Variants in URGCP observed in about 807,000 individuals in gnomAD.
URGCP encodes up-regulator of cell proliferation.
A neutral mutation model predicts 24.6 loss-of-function variants in URGCP; 13 were observed. The observed-to-expected ratio is 0.53, with a 90% CI of 0.34 to 0.84. URGCP has a LOEUF of 0.84. Ranked by LOEUF, URGCP falls within the 40% of genes least tolerant of loss-of-function variation. The pLI is 0.01. For missense variants in URGCP, 899 were observed against 1,194.3 expected (o/e 0.75, Z 3.64); for synonymous variants, 444 against 487.2 (o/e 0.91, Z 1.17).
chr7:43,916,975 C>A (rs10276953), intron 1 of URGCP, among the ~76,000 whole-genome samples: 11,464 of 152,158 alleles, frequency 0.075, 575 homozygotes, highest in African/African-American at 0.14. Flanking sequence ...TTATTCCTTT[C>A]TCCTCCTCTG....
chr7:43,879,721 A>G lies in URGCP; in HGVS notation c.203-461T>C, dbSNP rs576659336. The G allele has an allele frequency of 1.2e-4, 19 of 156,476 alleles. No homozygotes were observed. In the South Asian group the frequency reaches 2.6e-3, roughly 21 times the overall value. 9.7% of individuals were successfully genotyped at this position (156,476 alleles called of 1,614,324 possible). On this transcript the variant is annotated intron_variant, in intron 5 of 5. Transcript: ENST00000453200. ...CTCAGAGTCACCGGGAAGTTCCCAC[A>G]GGAGTCATAATCACTGAATCACTCT... is the stretch of plus-strand genomic sequence containing the variant.
At chr7:43,907,653 G>A (rs1358408022), upstream of URGCP, among the ~76,000 whole-genome samples, 1 of 152,130 alleles carries the variant, frequency 6.6e-6, no homozygotes, top group Non-Finnish European at 1.5e-5. Context: ...CCAGCCCCAG[G>A]AGCCCCTGCA....
In URGCP at chr7:43,877,963, G is replaced by A. The variant is rs772251332; in HGVS notation, c.1500C>T (p.Pro500=). Residue 500 remains proline (P), a synonymous_variant, in exon 6 of 6, where the codon CCC becomes CCT. Coordinates refer to ENST00000453200, the MANE Select transcript of URGCP (RefSeq NM_001077663.3). ...TCTCCACTTGGGCTGCCTTTCTCCA[G>A]GGGTCCCCCTGCAGCCTCAGCTCGT... is the stretch of plus-strand genomic sequence containing the variant. The part of the protein sequence containing the change: ...RRDELRLQGD[P]WRKAAQVEKE... 1.2e-6 allele frequency: 2 copies of A among 1,614,168 alleles called. No homozygotes were observed. Among genetic ancestry groups the A allele is most frequent in the Admixed American group, 3.3e-5 (2 of 60,024 alleles).
At chr7:43,908,458 T>C (rs76148821), upstream of URGCP, among the ~76,000 whole-genome samples, 3 of 152,186 alleles carry the variant, frequency 2.0e-5, no homozygotes, top group Non-Finnish European at 2.9e-5. Flanking sequence ...CCCCAAAATA[T>C]GGCACTTTAA....
intron 1 of URGCP, chr7:43,919,207 T>C: frequency 1.1e-6 from 1 of 886,980 alleles, no homozygotes. Context: ...ACATACTCAG[T>C]GTTTCCCAAC....
At chr7:43,924,029 C>A in intron 1 of URGCP, among the ~76,000 whole-genome samples, 1 of 152,048 alleles carries the variant, frequency 6.6e-6, no homozygotes, top group Non-Finnish European at 1.5e-5. Flanking sequence ...GCCACCACAC[C>A]TGGCTAAATT....
At chr7:43,919,604 C>T (rs1585841328) in intron 1 of URGCP, 15 of 1,413,662 alleles carry the variant, frequency 1.1e-5, no homozygotes, top group East Asian at 2.3e-5. Context: ...AGCCCAAGAA[C>T]GTGATGGTAT....
upstream of URGCP, chr7:43,926,472 G>C (rs2095930714): frequency 7.1e-7 from 1 of 1,411,430 alleles, no homozygotes. Flanking sequence ...CGGCTGAGCC[G>C]GCAGCGGGCC....
intron 1 of URGCP, among the ~76,000 whole-genome samples, chr7:43,890,198 C>T (rs1220111531): frequency 9.9e-5 from 15 of 151,018 alleles, no homozygotes; most frequent in Non-Finnish European, 1.6e-4. Context: ...AGCCACCACG[C>T]CCGGCCACTG....
At chr7:43,917,582 C>T (rs984859637) in intron 1 of URGCP, among the ~76,000 whole-genome samples, 2 of 152,196 alleles carry the variant, frequency 1.3e-5, no homozygotes, top group Admixed American at 6.5e-5. Context: ...GGCTTGATAT[C>T]TTTGTGACCT....
At chr7:43,895,631 T>C (rs1190893252) in intron 1 of URGCP, among the ~76,000 whole-genome samples, 5 of 152,148 alleles carry the variant, frequency 3.3e-5, no homozygotes, top group Non-Finnish European at 5.9e-5. Flanking sequence ...GGTGAGATCA[T>C]GGCACTGCGC....
At chr7:43,900,088 C>T (rs1319613740) in intron 1 of URGCP, among the ~76,000 whole-genome samples, 7 of 150,690 alleles carry the variant, frequency 4.6e-5, no homozygotes, top group Non-Finnish European at 1.0e-4. Context: ...GAGGCTGCAG[C>T]GAGCCATGTT....
chr7:43,881,617 C>T (rs968656585), intron 5 of URGCP, 42 bp downstream of exon 5: 2 of 1,613,432 alleles, frequency 1.2e-6, no homozygotes, highest in African/African-American at 2.7e-5. Context: ...GATGATAACC[C>T]CCTTTCATAG....
chr7:43,908,221 G>A (rs1205584656), upstream of URGCP, among the ~76,000 whole-genome samples: 1 of 152,088 alleles, frequency 6.6e-6, no homozygotes, highest in Non-Finnish European at 1.5e-5. Context: ...GGGACTACAG[G>A]CGCCCACTAC....
chr7:43,923,917 T>C (rs2095925651), intron 1 of URGCP, among the ~76,000 whole-genome samples: 1 of 152,166 alleles, frequency 6.6e-6, no homozygotes, highest in Non-Finnish European at 1.5e-5. Context: ...TTGCCCAGGT[T>C]GAAGGGCAGT....
intron 1 of URGCP, among the ~76,000 whole-genome samples, chr7:43,916,807 G>C (rs1412184290): frequency 1.5e-5 from 2 of 133,470 alleles, no homozygotes; most frequent in Non-Finnish European, 3.1e-5. Flanking sequence ...AAGGACAAAA[G>C]AAAGAGGGAC....
intron 3 of URGCP, among the ~76,000 whole-genome samples, chr7:43,883,410 G>T (rs1258621249): frequency 7.2e-6 from 1 of 138,670 alleles, no homozygotes; most frequent in African/African-American, 2.7e-5. Context: ...GCCCAGACTG[G>T]AGCGCAGTGG....
At chr7:43,919,046 C>T in intron 1 of URGCP, 4 of 1,053,100 alleles carry the variant, frequency 3.8e-6, no homozygotes, top group Non-Finnish European at 4.5e-6. Flanking sequence ...TCCATGAGGA[C>T]ATTTTTAACA....
chr7:43,914,975 C>G (rs958235252), intron 1 of URGCP, among the ~76,000 whole-genome samples: 1 of 152,174 alleles, frequency 6.6e-6, no homozygotes, highest in Non-Finnish European at 1.5e-5. Flanking sequence ...CTCAGACTAA[C>G]GGCCCGCATG....
Sources: gnomAD v4.1 joint callset for allele counts (sites outside exome capture counted in the v4.1 genomes callset) on GRCh38, gnomAD v4.1.1 for gene constraint, MANE v1.5 for transcripts, NCBI Gene and HGNC (gene_info 2026-07-23, HGNC 2026-07-21) for gene names.